ITGB7: variants seen among roughly 807,000 people sequenced by gnomAD.
ITGB7 encodes the protein integrin subunit beta 7, also known as integrin beta-7.
ITGB7 carries 55 observed loss-of-function variants against 83.4 expected under a neutral mutation model. That is an observed-to-expected ratio of 0.66 (90% CI 0.53 to 0.83). The LOEUF (loss-of-function observed/expected upper bound fraction) is 0.83, where lower values mean the gene tolerates loss of function less well. Ranked by LOEUF, ITGB7 falls within the 40% of genes least tolerant of loss-of-function variation. The pLI, the probability that ITGB7 is intolerant of heterozygous loss-of-function variation, is 0.00. For missense variants in ITGB7, 921 were observed against 1,046.7 expected (o/e 0.88, Z 1.66); for synonymous variants, 454 against 423.6 (o/e 1.07, Z -0.88).
At position 53,192,479 on chromosome 12, in the gene ITGB7, G is replaced by C. The variant is rs770184874; in HGVS notation, c.2006C>G (p.Ala669Gly). 1 of 1,614,192 alleles carries C rather than the reference G, an allele frequency of 6.2e-7. No individual in the cohort carries two copies. Among genetic ancestry groups the C allele is most frequent in the East Asian group, 2.2e-5 (1 of 44,884 alleles). The change falls in exon 14 of 16, where the codon GCT (alanine) becomes GGT (glycine). Residue 669 changes from alanine (A) to glycine (G), a missense_variant. Physicochemically the swap from Ala to Gly is moderately conservative, Grantham distance 60. Coordinates refer to ENST00000267082, the MANE Select transcript of ITGB7 (RefSeq NM_000889.3). ...TGPLATNCST[A>G]CAHTNVTLAL... Reference sequence around the variant, plus strand: ...CAGGGTCACATTGGTATGGGCACAAGCTGTACTGCAGTTGGTGGCCAGTGG... The same window carrying C: ...CAGGGTCACATTGGTATGGGCACAACCTGTACTGCAGTTGGTGGCCAGTGG...
intron 7 of ITGB7, 80 bp downstream of exon 7, chr12:53,195,961 T>G: frequency 6.5e-7 from 1 of 1,536,648 alleles, no homozygotes; most frequent in Non-Finnish European, 8.9e-7. Flanking sequence ...TGGTGAGGAC[T>G]GTAAGGCTGG....
chr12:53,202,516 G>A lies in ITGB7; in HGVS notation c.-126-1322C>T, dbSNP rs993551332. On this transcript the variant is annotated intron_variant, in intron 1 of 15. Coordinates refer to ENST00000267082, the MANE Select transcript of ITGB7 (RefSeq NM_000889.3). ...ACTACAGGCATGCGCCACCACACCC[G>A]ACTAGTTTTTGTATTTTTAGTAGAG... is the stretch of plus-strand genomic sequence containing the variant. 2.6e-5 allele frequency among the ~76,000 whole-genome samples: 4 copies of A among 151,736 alleles called. No individual in the cohort carries two copies. In the South Asian group the frequency reaches 6.2e-4, roughly 24 times the overall value.
chr12:53,193,026 A>AC, intron 12 of ITGB7, 114 bp downstream of exon 12: 2 of 1,358,708 alleles, frequency 1.5e-6, no homozygotes, highest in Non-Finnish European at 2.1e-6. Flanking sequence ...CACACCCTCT[A>AC]ACCCATACAC....
intron 1 of ITGB7, among the ~76,000 whole-genome samples, chr12:53,204,502 A>G (rs1942390093): frequency 6.6e-6 from 1 of 152,212 alleles, no homozygotes; most frequent in South Asian, 2.1e-4. Context: ...CCACATATGG[A>G]ACATATCCAA....
intron 1 of ITGB7, 41 bp downstream of exon 1, chr12:53,207,161 G>C (rs1414089763): frequency 6.5e-6 from 1 of 152,884 alleles, no homozygotes; most frequent in African/African-American, 2.4e-5. Flanking sequence ...GCCAGAGCTT[G>C]TAAGGAGAGG....
At chr12:53,197,239 G>A (rs1942195662) in intron 5 of ITGB7, 8 of 590,928 alleles carry the variant, frequency 1.4e-5, no homozygotes, top group Non-Finnish European at 2.4e-5. Context: ...CAGGCCCAGA[G>A]AGTGCCTGAG....
chr12:53,200,979 A>G (rs1942310901), intron 2 of ITGB7, 93 bp downstream of exon 2: 1 of 153,620 alleles, frequency 6.5e-6, no homozygotes, highest in Admixed American at 6.5e-5. Context: ...TCCTGTGTGC[A>G]GACTTCATGT....
In ITGB7 at chr12:53,193,320, CCACAGAGCACT is replaced by C. The variant is rs1942035548; in HGVS notation, c.1535_1545del (p.Glu512GlyfsTer47). ...TCCAGGTCTGGGGAGGACAGCTCTG[CCACAGAGCACT>C]CACAGAGCCGACCTAGGCGGCCAGG... On this transcript the variant is annotated frameshift_variant, in exon 12 of 16. Coordinates refer to ENST00000267082, the MANE Select transcript of ITGB7 (RefSeq NM_000889.3). LOFTEE classifies it high-confidence loss of function. 1.2e-6 allele frequency: 2 copies of C among 1,606,444 alleles called. No individual in the cohort carries two copies. The highest frequency in any genetic ancestry group is 1.3e-5 in the African/African-American group (1 of 74,726).
chr12:53,198,006 C>T, intron 3 of ITGB7, 55 bp from the exon 4 acceptor site: 2 of 1,454,398 alleles, frequency 1.4e-6, no homozygotes, highest in Non-Finnish European at 9.2e-7. Context: ...CCCTGGGCCC[C>T]GCTCCCAAAA....
At chr12:53,200,479 C>A (rs753909382) in intron 2 of ITGB7, 33 bp from the exon 3 acceptor site, 1 of 1,587,090 alleles carries the variant, frequency 6.3e-7, no homozygotes, top group Non-Finnish European at 8.6e-7. Flanking sequence ...ACATGTGGGT[C>A]CTCAGGGAGG....
intron 1 of ITGB7, among the ~76,000 whole-genome samples, chr12:53,203,219 A>G (rs1275169077): frequency 6.6e-6 from 1 of 152,234 alleles, no homozygotes; most frequent in East Asian, 1.9e-4. Flanking sequence ...CTTACAATTC[A>G]ACAACAAAAA....
chr12:53,196,202 G>A lies in ITGB7; in HGVS notation c.817-3C>T. On this transcript the variant is annotated splice_region_variant and splice_polypyrimidine_tract_variant and intron_variant, in intron 6 of 15. Transcript: ENST00000267082. ...ACATTTCTCCAGCCAATCTGCTCCT[G>A]AGTTACAGTGGGGGTGGTAGGCTAT... The A allele has an allele frequency of 1.2e-6, 2 of 1,613,920 alleles. No individual in the cohort carries two copies. The highest frequency in any genetic ancestry group is 8.5e-7 in the Non-Finnish European group (1 of 1,179,818).
intron 1 of ITGB7, chr12:53,206,531 T>C (rs1942446471): frequency 6.6e-6 from 1 of 152,412 alleles, no homozygotes; most frequent in Admixed American, 6.5e-5. Context: ...TCTCTTTCCT[T>C]AGGGGTATTC....
Position 53,200,361 on chromosome 12 carries a change from G to A in ITGB7, c.83C>T (p.Thr28Ile), listed in dbSNP as rs757585037. The change falls in exon 3 of 16, where the codon ACA (threonine) becomes ATA (isoleucine). Residue 28 changes from threonine to isoleucine, a missense_variant. By Grantham distance (89) the Thr-to-Ile change is moderately conservative. Transcript: ENST00000267082. ...ATTCCGCCATTCTGTGGCATCCCCT[G>A]TGGATGGGATCTTGGCGTCCAATTC... ...ESELDAKIPS[T>I]GDATEWRNPH... 2 of 1,614,158 alleles carry A rather than the reference G, an allele frequency of 1.2e-6. No individual in the cohort carries two copies. Among genetic ancestry groups the A allele is most frequent in the Non-Finnish European group, 1.7e-6 (2 of 1,180,022 alleles).
Position 53,194,304 on chromosome 12 carries a change from G to GGGA in ITGB7, c.1199_1201dup (p.Leu400dup), listed in dbSNP as rs1233703655. The GGGA allele has an allele frequency of 6.2e-7, 1 of 1,613,968 alleles. No homozygotes were observed. Among genetic ancestry groups the GGGA allele is most frequent in the African/African-American group, 1.3e-5 (1 of 74,890 alleles). Reference sequence around the variant, plus strand: ...TTCGTAAGAAATGTGGACCCCAGGAGGGAGTGAAGAGTGTTCAAGGGTCAC... The same window carrying GGGA: ...TTCGTAAGAAATGTGGACCCCAGGAGGGAGGAGTGAAGAGTGTTCAAGGGTCAC... On this transcript the variant is annotated inframe_insertion, in exon 10 of 16. Coordinates refer to ENST00000267082, the MANE Select transcript of ITGB7 (RefSeq NM_000889.3).
chr12:53,203,234 A>C (rs1942357592), intron 1 of ITGB7, among the ~76,000 whole-genome samples: 1 of 152,168 alleles, frequency 6.6e-6, no homozygotes, highest in East Asian at 1.9e-4. Context: ...CAAAAAGACA[A>C]CCCAACTTTC....
intron 3 of ITGB7, among the ~76,000 whole-genome samples, chr12:53,198,824 G>A (rs957255447): frequency 6.6e-6 from 1 of 152,242 alleles, no homozygotes; most frequent in African/African-American, 2.4e-5. Context: ...AAGAACAGAA[G>A]AGGAGGCGTC....
Position 53,195,737 on chromosome 12 carries a change from G to A in ITGB7, c.976-16C>T. 6.3e-7 allele frequency: 1 copy of A among 1,594,760 alleles called. No homozygotes were observed. ...AAGGGTAGTCCTGGGACAGGGAGCA[G>A]GGACAAGGTGAGCCCCACAGGTTTC... On this transcript the variant is annotated splice_polypyrimidine_tract_variant and intron_variant, in intron 7 of 15. Transcript: ENST00000267082.
chr12:53,203,528 G>A (rs373903816), intron 1 of ITGB7, among the ~76,000 whole-genome samples: 19 of 151,382 alleles, frequency 1.3e-4, no homozygotes, highest in African/African-American at 3.4e-4. Context: ...CATGCCTGTA[G>A]CTCCAGCTAC....
Sources: gnomAD v4.1 joint callset for allele counts (sites outside exome capture counted in the v4.1 genomes callset) on GRCh38, gnomAD v4.1.1 for gene constraint, MANE v1.5 for transcripts, NCBI Gene and HGNC (gene_info 2026-07-23, HGNC 2026-07-21) for gene names.